The following CACNA1B variants were observed in gnomAD, a reference collection of about 807,000 sequenced individuals.
CACNA1B encodes the protein calcium voltage-gated channel subunit alpha1 B.
A neutral mutation model predicts 247.2 loss-of-function variants in CACNA1B; 70 were observed. That is an observed-to-expected ratio of 0.28 (90% confidence interval 0.23 to 0.35). The LOEUF (loss-of-function observed/expected upper bound fraction) is 0.35, where lower values mean the gene tolerates loss of function less well. CACNA1B is among the 10% of genes least tolerant of loss of function. CACNA1B has a pLI of 1.00. For synonymous variants in CACNA1B, 1,231 were observed against 1,294.4 expected, an observed-to-expected ratio of 0.95 and a Z score of 1.05; for missense variants, 2,367 against 3,197.4, an observed-to-expected ratio of 0.74 and a Z score of 6.26.
chr9:138,046,115 A>G (rs1477429400), intron 21 of CACNA1B, among the ~76,000 whole-genome samples: 1 of 152,148 alleles, frequency 6.6e-6, no homozygotes, highest in African/African-American at 2.4e-5. Flanking sequence ...AGTAGCAGGG[A>G]GGCCCCTGCT....
chr9:137,980,631 G>A (rs972423530), intron 12 of CACNA1B, among the ~76,000 whole-genome samples: 38 of 152,170 alleles, frequency 2.5e-4, no homozygotes, highest in Admixed American at 2.3e-3. Flanking sequence ...AGTGAGCATA[G>A]TACCCGGAAG....
chr9:137,902,427 C>A (rs985844900), intron 3 of CACNA1B, among the ~76,000 whole-genome samples: 1 of 151,972 alleles, frequency 6.6e-6, no homozygotes, highest in Non-Finnish European at 1.5e-5. Context: ...GGCTTCAGGG[C>A]GTAGAAAGTA....
chr9:137,954,856 T>TTGTGTGTGTGTGTGTGTGTGTGTGTG lies in CACNA1B; in HGVS notation c.1071-818_1071-817insTGTGTGTGTGTGTGTGTGTGTGTGTG, dbSNP rs150496046. Among the ~76,000 whole-genome samples, 503 of 120,658 alleles carry TTGTGTGTGTGTGTGTGTGTGTGTGTG rather than the reference T, an allele frequency of 4.2e-3. 3 individuals carry two copies. Among genetic ancestry groups the TTGTGTGTGTGTGTGTGTGTGTGTGTG allele is most frequent in the African/African-American group, 0.011 (276 of 25,248 alleles). 79.2% of individuals were successfully genotyped at this position (120,658 alleles called of 152,430 possible). A position where few individuals can be genotyped will look rare whatever the true frequency, so the allele number is the denominator to read the frequency against. The stretch of plus-strand genomic sequence containing the variant: ...ACACCCACTCCACCAACTCAGAAGC[T>TTGTGTGTGTGTGTGTGTGTGTGTGTG]TGTGTGTGTGTGTGTGTGTGTGTGA... On this transcript the variant is annotated intron_variant, in intron 7 of 46. Coordinates refer to ENST00000371372, the MANE Select transcript of CACNA1B (RefSeq NM_000718.4). The surrounding 1 kb of genome is among the most constrained non-coding windows in gnomAD (Gnocchi z 4.1).
chr9:137,919,496 A>G lies in CACNA1B; in HGVS notation c.966+2065A>G, dbSNP rs1024973086. On this transcript the variant is annotated intron_variant, in intron 6 of 46. Coordinates refer to ENST00000371372, the MANE Select transcript of CACNA1B (RefSeq NM_000718.4). This position sits in a 1 kb window ranked among gnomAD's most constrained non-coding sequence, Gnocchi z 4.6. ...AAGGCCCCAGAGCAGGTAGCCAAGAACCGACCAGTCCGCTCCTCCACACTA... is the reference window on the plus strand; with the variant it reads ...AAGGCCCCAGAGCAGGTAGCCAAGAGCCGACCAGTCCGCTCCTCCACACTA... Among the ~76,000 whole-genome samples, 1 of 152,216 alleles carries G rather than the reference A, an allele frequency of 6.6e-6. No homozygotes were observed. The highest frequency in any genetic ancestry group is 2.4e-5 in the African/African-American group (1 of 41,458).
chr9:138,052,094 G>C lies in CACNA1B; in HGVS notation c.3713G>C (p.Gly1238Ala). Residue 1238 changes from glycine (G) to alanine (A), a missense_variant and splice_region_variant, in exon 25 of 47, where the codon GGA (glycine) becomes GCA (alanine). By Grantham distance (60) the Gly-to-Ala change is moderately conservative. Around this residue, in one of 12 missense-constraint regions of CACNA1B, gnomAD observed 436 missense variants for 679.5 expected, o/e 0.64. Coordinates refer to ENST00000371372, the MANE Select transcript of CACNA1B (RefSeq NM_000718.4). The surrounding 1 kb of genome is among the most constrained non-coding windows in gnomAD (Gnocchi z 5.1). ...SGALVAFAFS[G>A]SKGKDINTIK... ...CATCTGTGGCTTCTCCCTTCTAGAGGATCCAAAGGGAAAGACATCAATACC... is the reference window on the plus strand; with the variant it reads ...CATCTGTGGCTTCTCCCTTCTAGAGCATCCAAAGGGAAAGACATCAATACC... 3 of 1,585,998 alleles carry C rather than the reference G, an allele frequency of 1.9e-6. No individual in the cohort carries two copies. Among genetic ancestry groups the C allele is most frequent in the Non-Finnish European group, 2.6e-6 (3 of 1,155,272 alleles).
In CACNA1B at chr9:138,122,111, T is replaced by A; in HGVS notation, c.*112T>A. On this transcript the variant is annotated 3_prime_UTR_variant, in exon 47 of 47. Coordinates refer to ENST00000371372, the MANE Select transcript of CACNA1B (RefSeq NM_000718.4). Reference sequence around the variant, plus strand: ...TCGGGGGAGGCCTTGCCCACCTTGGTGAGGCTCCTGTGGCCCCTCCCTCCC... The same window carrying A: ...TCGGGGGAGGCCTTGCCCACCTTGGAGAGGCTCCTGTGGCCCCTCCCTCCC... 1 of 959,334 alleles carries A rather than the reference T, an allele frequency of 1.0e-6. No homozygotes were observed. The highest frequency in any genetic ancestry group is 1.5e-6 in the Non-Finnish European group (1 of 660,932). The allele number at this position is 959,334 out of a possible 1,614,324, so 59.4% of individuals were successfully genotyped here.
chr9:137,980,876 A>T (rs1301710850), intron 12 of CACNA1B, among the ~76,000 whole-genome samples: 1 of 152,182 alleles, frequency 6.6e-6, no homozygotes, highest in Non-Finnish European at 1.5e-5. Context: ...TGGTGTATAT[A>T]TAATGCATTT....
intron 3 of CACNA1B, among the ~76,000 whole-genome samples, chr9:137,908,798 T>A (rs1245015230): frequency 2.1e-5 from 3 of 145,054 alleles, no homozygotes; most frequent in Non-Finnish European, 4.6e-5. Context: ...GCCTGGCTAA[T>A]TTTTTTGTAT....
At chr9:138,076,007 CCA>C (rs1960305541) in intron 35 of CACNA1B, 97 bp downstream of exon 35, 3 of 789,320 alleles carry the variant, frequency 3.8e-6, no homozygotes, top group Non-Finnish European at 4.3e-6. Flanking sequence ...TGGAGACCAC[CCA>C]CTTCTAATTC....
Position 138,102,830 on chromosome 9 carries a change from G to C in CACNA1B, c.5319+23G>C. ...AAGGTAGACCCTGACCCTGCAACCCGCCCCCCAGGAGGCTGTGTGTGCTTG... is the reference window on the plus strand; with the variant it reads ...AAGGTAGACCCTGACCCTGCAACCCCCCCCCCAGGAGGCTGTGTGTGCTTG... On this transcript the variant is annotated intron_variant, in intron 38 of 46. Transcript: ENST00000371372. This position sits in a 1 kb window ranked among gnomAD's most constrained non-coding sequence, Gnocchi z 5.4. 1 of 1,493,246 alleles carries C rather than the reference G, an allele frequency of 6.7e-7. No individual in the cohort carries two copies. The highest frequency in any genetic ancestry group is 1.2e-5 in the South Asian group (1 of 86,252). 92.5% of individuals were successfully genotyped at this position (1,493,246 alleles called of 1,614,324 possible).
At chr9:137,902,337 C>T (rs1237634283) in intron 3 of CACNA1B, among the ~76,000 whole-genome samples, 2 of 152,156 alleles carry the variant, frequency 1.3e-5, no homozygotes, top group African/African-American at 4.8e-5. Context: ...CCCACTGGCT[C>T]CTAGCCCCTC....
At chr9:138,043,335 G>A (rs1959150698) in intron 20 of CACNA1B, among the ~76,000 whole-genome samples, 1 of 152,202 alleles carries the variant, frequency 6.6e-6, no homozygotes. Flanking sequence ...GGTCAAGGGA[G>A]ACTGGACAAC....
chr9:137,955,349 A>G lies in CACNA1B; in HGVS notation c.1071-349A>G, dbSNP rs1018635305. Reference sequence around the variant, plus strand: ...TGGCACAAGGGGAGGGAGGAGGCGCATGCCTAGGTTGCTGTAGGCAGGGGC... The same window carrying G: ...TGGCACAAGGGGAGGGAGGAGGCGCGTGCCTAGGTTGCTGTAGGCAGGGGC... On this transcript the variant is annotated intron_variant, in intron 7 of 46. Coordinates refer to ENST00000371372, the MANE Select transcript of CACNA1B (RefSeq NM_000718.4). The surrounding 1 kb of genome is among the most constrained non-coding windows in gnomAD (Gnocchi z 6.9). 5.3e-5 allele frequency among the ~76,000 whole-genome samples: 8 copies of G among 152,184 alleles called. No homozygotes were observed. The highest frequency in any genetic ancestry group is 2.0e-4 in the Admixed American group (3 of 15,282).
chr9:137,928,682 GT>G (rs1957578134), intron 6 of CACNA1B, among the ~76,000 whole-genome samples: 1 of 152,074 alleles, frequency 6.6e-6, no homozygotes, highest in Admixed American at 6.6e-5. Flanking sequence ...ACAGTTCAGA[GT>G]TTTTTGTATG....
In CACNA1B at chr9:138,051,760, G is replaced by A. The variant is rs1056069495; in HGVS notation, c.3711-332G>A. Reference sequence around the variant, plus strand: ...CTTGTGGGCTCCCACTTCTGGGTCTGCAGTCCTCGTGCGGGTCTCTTCTGT... The same window carrying A: ...CTTGTGGGCTCCCACTTCTGGGTCTACAGTCCTCGTGCGGGTCTCTTCTGT... On this transcript the variant is annotated intron_variant, in intron 24 of 46. Coordinates refer to ENST00000371372, the MANE Select transcript of CACNA1B (RefSeq NM_000718.4). This position sits in a 1 kb window ranked among gnomAD's most constrained non-coding sequence, Gnocchi z 4.3. Among the ~76,000 whole-genome samples the A allele has an allele frequency of 6.6e-6, 1 of 152,154 alleles. No homozygotes were observed. The highest frequency in any genetic ancestry group is 2.4e-5 in the African/African-American group (1 of 41,442).
Position 137,892,225 on chromosome 9 carries a change from G to A in CACNA1B, c.530+9342G>A, listed in dbSNP as rs191973067. 13 of 456,806 alleles carry A rather than the reference G, an allele frequency of 2.8e-5. No individual in the cohort carries two copies. The East Asian group carries it at 9.0e-4, about 32-fold the overall frequency. The allele number at this position is 456,806 out of a possible 1,614,324, so 28.3% of individuals were successfully genotyped here. ...AGCAGCACAGCCGGGCGCTGCAACA[G>A]CAGACATTTCCTTCTCAGTCCTGGA... is the stretch of plus-strand genomic sequence containing the variant. On this transcript the variant is annotated intron_variant, in intron 3 of 46. Transcript: ENST00000371372.
intron 20 of CACNA1B, among the ~76,000 whole-genome samples, chr9:138,029,011 A>G (rs1420185405): frequency 2.0e-5 from 3 of 152,344 alleles, no homozygotes; most frequent in East Asian, 3.9e-4. Context: ...CACACAACCA[A>G]CTGAATTTGG....
Position 138,085,040 on chromosome 9 carries a change from A to C in CACNA1B, c.5094+6782A>C, listed in dbSNP as rs1370246067. Reference sequence around the variant, plus strand: ...AGACCCTAGTAAAAACTAAATTTAAAAACTGACAGAAAAGGGATTCAAAAT... The same window carrying C: ...AGACCCTAGTAAAAACTAAATTTAACAACTGACAGAAAAGGGATTCAAAAT... On this transcript the variant is annotated intron_variant, in intron 36 of 46. Coordinates refer to ENST00000371372, the MANE Select transcript of CACNA1B (RefSeq NM_000718.4). 7.9e-5 allele frequency among the ~76,000 whole-genome samples: 12 copies of C among 150,988 alleles called. 1 individual carries two copies. In the South Asian group the frequency reaches 1.7e-3, roughly 21 times the overall value.
At chr9:138,079,439 G>C (rs1960441213) in intron 36 of CACNA1B, among the ~76,000 whole-genome samples, 3 of 152,076 alleles carry the variant, frequency 2.0e-5, no homozygotes, top group African/African-American at 7.2e-5. Flanking sequence ...GATGCAAGAT[G>C]ATGACCAAGA....
Sources: gnomAD v4.1 joint callset for allele counts (sites outside exome capture counted in the v4.1 genomes callset) on GRCh38, gnomAD v4.1.1 for gene constraint, gnomAD v4.1.1 regional missense constraint, Gnocchi (gnomAD v3.1) non-coding constraint, MANE v1.5 for transcripts, NCBI Gene and HGNC (gene_info 2026-07-23, HGNC 2026-07-21) for gene names.